Variants in MSH3 observed in about 807,000 individuals in gnomAD.
The protein encoded by MSH3 is DNA mismatch repair protein Msh3.
A neutral mutation model predicts 123.3 loss-of-function variants in MSH3; 106 were observed. That is an observed-to-expected ratio of 0.86 (90% CI 0.73 to 1.01). The LOEUF is 1.01. Among genes scored for constraint, MSH3 ranks in the 50% least tolerant of loss-of-function variants. The probability of loss-of-function intolerance (pLI) is 0.00; values close to 1 mark genes in which losing one functional copy is unlikely to be tolerated. For missense variants in MSH3, 1,459 were observed against 1,347.6 expected, an observed-to-expected ratio of 1.08 and a Z score of -1.29; for synonymous variants, 515 against 481.4, an observed-to-expected ratio of 1.07 and a Z score of -0.91.
chr5:80,855,472 T>C (rs1257715526), intron 21 of MSH3: 2 of 152,198 alleles, frequency 1.3e-5, no homozygotes, highest in Non-Finnish European at 2.9e-5. Flanking sequence ...CAGAAGATAG[T>C]TTTTCTTCAG....
At chr5:80,817,489 T>C (rs1745126232) in intron 20 of MSH3, among the ~76,000 whole-genome samples, 2 of 152,114 alleles carry the variant, frequency 1.3e-5, no homozygotes, top group South Asian at 4.1e-4. Context: ...TTTTTGTTTT[T>C]AAATGGTAGA....
At chr5:80,786,003 A>G (rs1744500295) in intron 17 of MSH3, among the ~76,000 whole-genome samples, 1 of 143,844 alleles carries the variant, frequency 7.0e-6, no homozygotes, top group Non-Finnish European at 1.5e-5. Context: ...GGGTGGGGGG[A>G]AGGGGGGAGG....
intron 17 of MSH3, among the ~76,000 whole-genome samples, chr5:80,780,302 C>T (rs1479627987): frequency 6.6e-6 from 1 of 152,152 alleles, no homozygotes; most frequent in African/African-American, 2.4e-5. Context: ...TTTCATGAGT[C>T]CATAGGAACC....
intron 19 of MSH3, among the ~76,000 whole-genome samples, chr5:80,808,152 TACAGA>T (rs1236436754): frequency 6.6e-6 from 1 of 152,184 alleles, no homozygotes; most frequent in Non-Finnish European, 1.5e-5. Flanking sequence ...TTGTTGCTCT[TACAGA>T]AAAATGCAAC....
intron 10 of MSH3, among the ~76,000 whole-genome samples, chr5:80,735,582 T>C (rs1227118382): frequency 6.6e-6 from 1 of 151,674 alleles, no homozygotes; most frequent in Non-Finnish European, 1.5e-5. Flanking sequence ...AGCCACTCAC[T>C]CTGGAGGCTG....
intron 8 of MSH3, among the ~76,000 whole-genome samples, chr5:80,719,620 A>G (rs1320583966): frequency 2.0e-5 from 3 of 152,182 alleles, no homozygotes; most frequent in Admixed American, 6.5e-5. Flanking sequence ...TTAAAATTAT[A>G]TATTATAAAA....
At chr5:80,836,467 A>G (rs768090896) in intron 20 of MSH3, among the ~76,000 whole-genome samples, 22 of 147,634 alleles carry the variant, frequency 1.5e-4, no homozygotes, top group Non-Finnish European at 2.2e-4. Flanking sequence ...AGGGGTGAAG[A>G]TGATTCCAGT....
intron 8 of MSH3, among the ~76,000 whole-genome samples, chr5:80,681,650 CTT>C (rs1487002812): frequency 2.7e-5 from 4 of 150,352 alleles, no homozygotes; most frequent in Admixed American, 6.6e-5. Context: ...ATTTTATTAA[CTT>C]AGTATATATT....
chr5:80,813,988 C>G (rs1274070725), intron 20 of MSH3, among the ~76,000 whole-genome samples: 1 of 151,738 alleles, frequency 6.6e-6, no homozygotes, highest in Non-Finnish European at 1.5e-5. Flanking sequence ...TGGCAAAACC[C>G]CATCTTGACA....
At chr5:80,867,926 T>C (rs541645491) in intron 22 of MSH3, among the ~76,000 whole-genome samples, 1 of 152,310 alleles carries the variant, frequency 6.6e-6, no homozygotes, top group East Asian at 1.9e-4. Context: ...TATAGTTTAA[T>C]TAGGTCCCCT....
At chr5:80,856,240 G>C (rs1320503021) in intron 21 of MSH3, among the ~76,000 whole-genome samples, 2 of 151,520 alleles carry the variant, frequency 1.3e-5, no homozygotes, top group Admixed American at 1.3e-4. Flanking sequence ...CTCAGGTTTT[G>C]TTTAAACATT....
At chr5:80,745,861 T>C (rs1391285167) in intron 12 of MSH3, among the ~76,000 whole-genome samples, 2 of 152,366 alleles carry the variant, frequency 1.3e-5, no homozygotes, top group East Asian at 3.9e-4. Flanking sequence ...AGCCCTGTGT[T>C]ACTCTGTGAT....
intron 19 of MSH3, among the ~76,000 whole-genome samples, chr5:80,806,400 A>G (rs1744892452): frequency 6.6e-6 from 1 of 152,198 alleles, no homozygotes; most frequent in Non-Finnish European, 1.5e-5. Context: ...CCTGGCCCAG[A>G]ATTTATTTTT....
Position 80,875,810 on chromosome 5 carries a change from A to G in MSH3, c.3362A>G (p.Lys1121Arg). The change falls in exon 24 of 24, where the codon AAG becomes AGG. Residue 1121 changes from lysine to arginine, a missense_variant. Lys to Arg is a conservative substitution (Grantham distance 26, BLOSUM62 2). Transcript: ENST00000265081. ...ATGCATAATGCACAAGACCTGCAGA[A>G]GTGGACAGAGGAGTTCAACATGGAA... is the stretch of plus-strand genomic sequence containing the variant. ...WTMHNAQDLQ[K>R]WTEEFNMEET... 1 of 1,614,014 alleles carries G rather than the reference A, an allele frequency of 6.2e-7. No homozygotes were observed. Among genetic ancestry groups the G allele is most frequent in the South Asian group, 1.1e-5 (1 of 91,078 alleles).
At chr5:80,713,374 C>CT (rs1185300541) in intron 8 of MSH3, among the ~76,000 whole-genome samples, 4 of 151,902 alleles carry the variant, frequency 2.6e-5, no homozygotes, top group Non-Finnish European at 2.9e-5. Context: ...AAAAGGATTT[C>CT]TTTTTTTTAA....
At position 80,761,721 on chromosome 5, in the gene MSH3, G is replaced by C. The variant is rs543393681; in HGVS notation, c.1896+43G>C. The C allele has an allele frequency of 1.9e-6, 3 of 1,610,456 alleles. No homozygotes were observed. Among genetic ancestry groups the C allele is most frequent in the East Asian group, 4.5e-5 (2 of 44,800 alleles). On this transcript the variant is annotated intron_variant, in intron 13 of 23. Transcript: ENST00000265081. ...CTATTAAAGCTGACAGTGTTCTTCA[G>C]CTTGAGGACACTATATATTAAAAGA...
intron 13 of MSH3, among the ~76,000 whole-genome samples, chr5:80,765,974 T>TC (rs1744115584): frequency 6.6e-6 from 1 of 152,204 alleles, no homozygotes; most frequent in East Asian, 1.9e-4. Flanking sequence ...ATGACTTCAT[T>TC]ATCTTTACTT....
intron 10 of MSH3, among the ~76,000 whole-genome samples, chr5:80,739,931 A>T (rs26778): frequency 0.35 from 53,816 of 151,996 alleles, 9,724 homozygotes; most frequent in East Asian, 0.59. Context: ...GGGAAACTGG[A>T]TGTTACCTAA....
At chr5:80,737,027 T>C (rs2112863833) in intron 10 of MSH3, among the ~76,000 whole-genome samples, 1 of 152,312 alleles carries the variant, frequency 6.6e-6, no homozygotes, top group African/African-American at 2.4e-5. Context: ...CCTTTCCCAT[T>C]ATTTGCCTTT....
Sources: allele counts gnomAD v4.1 joint callset (sites outside exome capture counted in the v4.1 genomes callset), GRCh38; gene constraint gnomAD v4.1.1; transcripts MANE v1.5; gene names NCBI Gene and HGNC (gene_info 2026-07-23, HGNC 2026-07-21).